The following FSTL4 variants were observed in gnomAD, a reference collection of about 807,000 sequenced individuals.
The protein encoded by FSTL4 is follistatin like 4.
In FSTL4, 28 loss-of-function variants were observed where a neutral mutation model predicts 78.2. The observed-to-expected ratio is 0.36, with a 90% CI of 0.27 to 0.49. The LOEUF (loss-of-function observed/expected upper bound fraction) is 0.49. Ranked by LOEUF, FSTL4 falls within the 20% of genes least tolerant of loss-of-function variation. FSTL4 has a pLI of 0.98. For missense variants in FSTL4, 922 were observed against 1,084.9 expected (o/e 0.85, Z 2.11); for synonymous variants, 422 against 440.5 (o/e 0.96, Z 0.53).
chr5:133,693,903 G>T, the FSTL4 span, among the ~76,000 whole-genome samples: 794 of 152,238 alleles, frequency 5.2e-3, 1 homozygote, highest in Non-Finnish European at 9.1e-3. Flanking sequence ...CAGCCAACTG[G>T]TTGTTGCCCA....
chr5:133,811,581 T>C, the FSTL4 span, among the ~76,000 whole-genome samples: 2 of 152,224 alleles, frequency 1.3e-5, no homozygotes, highest in Non-Finnish European at 2.9e-5. Context: ...GGCCAAAAAC[T>C]GACAGTTCAT....
chr5:133,232,496 A>C (rs905575449), intron 8 of FSTL4, among the ~76,000 whole-genome samples: 9 of 152,194 alleles, frequency 5.9e-5, no homozygotes, highest in African/African-American at 1.9e-4. Context: ...AAATATAGCT[A>C]AATTTGGCTT....
chr5:133,605,315 C>T (rs149484146), intron 1 of FSTL4, among the ~76,000 whole-genome samples: 85 of 152,222 alleles, frequency 5.6e-4, no homozygotes, highest in Admixed American at 9.2e-4. Flanking sequence ...TTAAAGACAC[C>T]GGAGCTCCTT....
chr5:133,372,073 C>T (rs533096729), intron 4 of FSTL4, among the ~76,000 whole-genome samples: 18 of 152,178 alleles, frequency 1.2e-4, no homozygotes, highest in South Asian at 2.1e-4. Flanking sequence ...ACCCACAGGC[C>T]GAACATGTGC....
chr5:133,278,082 G>A (rs947594785), intron 6 of FSTL4, among the ~76,000 whole-genome samples: 4 of 152,122 alleles, frequency 2.6e-5, no homozygotes, highest in Non-Finnish European at 5.9e-5. Context: ...GATTTGCATG[G>A]GTGCCCCCAG....
At chr5:133,254,333 A>C (rs554102287) in intron 6 of FSTL4, among the ~76,000 whole-genome samples, 1 of 152,324 alleles carries the variant, frequency 6.6e-6, no homozygotes, top group African/African-American at 2.4e-5. Flanking sequence ...GAGCCCTGGA[A>C]AAAGCATGGG....
At chr5:133,433,310 T>G (rs1223060843) in intron 3 of FSTL4, among the ~76,000 whole-genome samples, 2 of 152,226 alleles carry the variant, frequency 1.3e-5, no homozygotes, top group Non-Finnish European at 2.9e-5. Flanking sequence ...AGTGTCATTT[T>G]CTGGTCTGGT....
intron 6 of FSTL4, among the ~76,000 whole-genome samples, chr5:133,269,817 G>T (rs1338298319): frequency 6.6e-6 from 1 of 152,206 alleles, no homozygotes. Context: ...CTTCACTGCA[G>T]CTCGGACCCT....
At chr5:133,673,597 CA>C in the FSTL4 span, among the ~76,000 whole-genome samples, 1 of 152,238 alleles carries the variant, frequency 6.6e-6, no homozygotes, top group East Asian at 1.9e-4. Flanking sequence ...GATTCAAATT[CA>C]ACTCATCTGC....
intron 13 of FSTL4, among the ~76,000 whole-genome samples, chr5:133,211,296 C>A (rs1276200092): frequency 6.6e-6 from 1 of 152,204 alleles, no homozygotes; most frequent in African/African-American, 2.4e-5. Flanking sequence ...GCCCCCTGCT[C>A]TTCTTCTTGT....
chr5:133,804,820 T>C, the FSTL4 span, among the ~76,000 whole-genome samples: 8 of 151,746 alleles, frequency 5.3e-5, no homozygotes, highest in Non-Finnish European at 8.8e-5. Flanking sequence ...GGCGGGCGCC[T>C]GTAGTCCCAG....
At chr5:133,228,811 AAACATT>A (rs1751407044) in intron 8 of FSTL4, among the ~76,000 whole-genome samples, 1 of 152,236 alleles carries the variant, frequency 6.6e-6, no homozygotes, top group South Asian at 2.1e-4. Flanking sequence ...TCAAATGGTG[AAACATT>A]AATTTGGGAA....
chr5:133,799,715 C>T, the FSTL4 span, among the ~76,000 whole-genome samples: 1 of 139,404 alleles, frequency 7.2e-6, no homozygotes, highest in Non-Finnish European at 1.6e-5. Flanking sequence ...GTAACGCCTC[C>T]CCCTCCTGGC....
At chr5:133,838,924 G>A in the FSTL4 span, among the ~76,000 whole-genome samples, 2 of 152,186 alleles carry the variant, frequency 1.3e-5, no homozygotes, top group East Asian at 1.9e-4. Flanking sequence ...CAGCATGGGC[G>A]AGCTAGTGAT....
At chr5:133,261,343 TGGAA>T (rs1426957718) in intron 6 of FSTL4, among the ~76,000 whole-genome samples, 35 of 152,152 alleles carry the variant, frequency 2.3e-4, no homozygotes, top group Admixed American at 1.4e-3. Context: ...ACATATCCGG[TGGAA>T]AGGATGTGAG....
At chr5:133,370,343 G>C (rs977108067) in intron 4 of FSTL4, among the ~76,000 whole-genome samples, 1 of 152,058 alleles carries the variant, frequency 6.6e-6, no homozygotes, top group Non-Finnish European at 1.5e-5. Context: ...CCCTCACTTG[G>C]TATCTGCCTG....
At chr5:133,674,590 T>G in the FSTL4 span, among the ~76,000 whole-genome samples, 2 of 136,922 alleles carry the variant, frequency 1.5e-5, no homozygotes, top group Admixed American at 1.4e-4. Flanking sequence ...TCCATATGTG[T>G]GTGTGTGTGT....
chr5:133,319,144 G>A (rs1753984223), intron 4 of FSTL4, among the ~76,000 whole-genome samples: 1 of 152,214 alleles, frequency 6.6e-6, no homozygotes. Context: ...CATCCTCACA[G>A]CTGCCTGTGA....
intron 6 of FSTL4, among the ~76,000 whole-genome samples, chr5:133,262,588 C>A (rs1292006230): frequency 1.3e-5 from 2 of 152,234 alleles, no homozygotes; most frequent in Non-Finnish European, 2.9e-5. Flanking sequence ...ACAATCCCTT[C>A]TCCTTCCAAG....
Sources: gnomAD v4.1 joint callset for allele counts (sites outside exome capture counted in the v4.1 genomes callset) on GRCh38, gnomAD v4.1.1 for gene constraint, MANE v1.5 for transcripts, NCBI Gene and HGNC (gene_info 2026-07-23, HGNC 2026-07-21) for gene names.